The following CCNY variants were observed in gnomAD, a reference collection of about 807,000 sequenced individuals.
The protein encoded by CCNY is cyclin Y, also known as cyclin-Y.
Under a neutral mutation model 42.8 loss-of-function variants are expected in CCNY, and 19 were observed. That is an observed-to-expected ratio of 0.44 (90% CI 0.31 to 0.65). CCNY has a LOEUF of 0.65. Among genes scored for constraint, CCNY ranks in the 30% least tolerant of loss-of-function variants. The probability of loss-of-function intolerance (pLI) is 0.07; values close to 1 mark genes in which losing one functional copy is unlikely to be tolerated. For missense variants in CCNY, 370 were observed against 437.3 expected (o/e 0.85, Z 1.37); for synonymous variants, 165 against 162.7 (o/e 1.01, Z -0.11).
chr10:35,440,321 C>A (rs1838638446), intron 1 of CCNY, among the ~76,000 whole-genome samples: 1 of 152,202 alleles, frequency 6.6e-6, no homozygotes, highest in South Asian at 2.1e-4. Flanking sequence ...TGTGCTGTTT[C>A]TCATGTCCTT....
chr10:35,360,354 A>G (rs1221364946), intron 1 of CCNY, among the ~76,000 whole-genome samples: 3 of 138,808 alleles, frequency 2.2e-5, no homozygotes, highest in Non-Finnish European at 3.0e-5. Context: ...TGGTGTGACT[A>G]TGGCTCACTG....
chr10:35,529,665 C>T (rs1207224255), intron 5 of CCNY, among the ~76,000 whole-genome samples: 1 of 151,700 alleles, frequency 6.6e-6, no homozygotes, highest in Admixed American at 6.6e-5. Context: ...GAGTTCGAGA[C>T]CAGCCTGGCT....
chr10:35,535,562 GAGAC>G (rs1299703313), intron 7 of CCNY, among the ~76,000 whole-genome samples: 2 of 152,064 alleles, frequency 1.3e-5, no homozygotes, highest in East Asian at 1.9e-4. Context: ...ATATGTATGA[GAGAC>G]AGAGTGAGTG....
At chr10:35,527,687 A>G (rs1739359635) in intron 5 of CCNY, among the ~76,000 whole-genome samples, 2 of 152,248 alleles carry the variant, frequency 1.3e-5, no homozygotes, top group Non-Finnish European at 1.5e-5. Flanking sequence ...CACCAAAAGT[A>G]AGTGAGTGGA....
chr10:35,378,500 G>C (rs984102106), intron 1 of CCNY, among the ~76,000 whole-genome samples: 2 of 152,112 alleles, frequency 1.3e-5, no homozygotes, highest in Admixed American at 6.5e-5. Context: ...TCCTAGAAGA[G>C]GTTACCGGAG....
At chr10:35,529,579 T>C (rs1047517484) in intron 5 of CCNY, among the ~76,000 whole-genome samples, 2 of 152,114 alleles carry the variant, frequency 1.3e-5, no homozygotes, top group African/African-American at 4.8e-5. Flanking sequence ...AATAGTTGAA[T>C]TGGCTGGGTG....
chr10:35,319,931 C>T (rs1185780934), intron 3 of CCNY, among the ~76,000 whole-genome samples: 1 of 152,052 alleles, frequency 6.6e-6, no homozygotes, highest in African/African-American at 2.4e-5. Flanking sequence ...GCCCGGGAGA[C>T]ACTGTGACAC....
At chr10:35,559,348 T>C (rs948242338) in intron 8 of CCNY, among the ~76,000 whole-genome samples, 5 of 152,220 alleles carry the variant, frequency 3.3e-5, no homozygotes, top group African/African-American at 1.2e-4. Context: ...GAGATTTCCA[T>C]GCACAGTGTG....
intron 1 of CCNY, among the ~76,000 whole-genome samples, chr10:35,410,864 G>A (rs1056967893): frequency 2.6e-5 from 4 of 152,298 alleles, no homozygotes; most frequent in Admixed American, 2.0e-4. Flanking sequence ...TCCAGGTGAC[G>A]CTGATGTCGC....
intron 8 of CCNY, among the ~76,000 whole-genome samples, chr10:35,556,159 T>C (rs749311844): frequency 5.9e-5 from 9 of 152,208 alleles, no homozygotes; most frequent in Non-Finnish European, 1.3e-4. Flanking sequence ...CAGCATTTGA[T>C]CAGTGCCCCA....
At chr10:35,416,971 A>G (rs1838037978) in intron 1 of CCNY, among the ~76,000 whole-genome samples, 1 of 152,240 alleles carries the variant, frequency 6.6e-6, no homozygotes, top group East Asian at 1.9e-4. Flanking sequence ...CCCATCAAAC[A>G]GTGAAAGTGT....
At chr10:35,420,775 T>C (rs1383103289) in intron 1 of CCNY, among the ~76,000 whole-genome samples, 1 of 152,246 alleles carries the variant, frequency 6.6e-6, no homozygotes, top group Non-Finnish European at 1.5e-5. Context: ...GCAGTTTTGC[T>C]CATCAAACCT....
At chr10:35,304,267 A>G (rs986070959) in intron 3 of CCNY, among the ~76,000 whole-genome samples, 6 of 151,490 alleles carry the variant, frequency 4.0e-5, no homozygotes, top group Non-Finnish European at 7.4e-5. Flanking sequence ...CCGTTGTAAG[A>G]TCTTGAAAAG....
chr10:35,298,189 T>A (rs1835493801), intron 3 of CCNY, among the ~76,000 whole-genome samples: 1 of 152,130 alleles, frequency 6.6e-6, no homozygotes, highest in Non-Finnish European at 1.5e-5. Context: ...GTAATTAACG[T>A]AAAATAAGCA....
At chr10:35,362,299 G>GA (rs1404028239) in intron 1 of CCNY, among the ~76,000 whole-genome samples, 1 of 152,258 alleles carries the variant, frequency 6.6e-6, no homozygotes, top group Non-Finnish European at 1.5e-5. Flanking sequence ...GTGCAAGGTG[G>GA]AACAGGTGAC....
At chr10:35,318,625 T>A (rs1835787362) in intron 3 of CCNY, among the ~76,000 whole-genome samples, 1 of 152,188 alleles carries the variant, frequency 6.6e-6, no homozygotes, top group South Asian at 2.1e-4. Context: ...CAGTTCTGAC[T>A]ATATGTTTCC....
At chr10:35,292,225 A>T (rs1835421442) in intron 3 of CCNY, among the ~76,000 whole-genome samples, 1 of 152,140 alleles carries the variant, frequency 6.6e-6, no homozygotes, top group Admixed American at 6.6e-5. Flanking sequence ...TTATTGAGTT[A>T]TAAGAGTTCT....
chr10:35,437,444 C>T (rs1838562091), intron 1 of CCNY, among the ~76,000 whole-genome samples: 1 of 152,038 alleles, frequency 6.6e-6, no homozygotes, highest in African/African-American at 2.4e-5. Flanking sequence ...CACTTAAGCC[C>T]AGGAGTTCGA....
intron 8 of CCNY, 61 bp downstream of exon 8, chr10:35,553,246 A>C: frequency 6.4e-7 from 1 of 1,561,572 alleles, no homozygotes; most frequent in African/African-American, 1.4e-5. Context: ...TTGGAAAGAA[A>C]GCTGCCTCCT....
Sources: gnomAD v4.1 joint callset for allele counts (sites outside exome capture counted in the v4.1 genomes callset) on GRCh38, gnomAD v4.1.1 for gene constraint, MANE v1.5 for transcripts, NCBI Gene and HGNC (gene_info 2026-07-23, HGNC 2026-07-21) for gene names.